Variants in CDHR2 observed in about 807,000 individuals in gnomAD.
The protein encoded by CDHR2 is cadherin-related family member 2.
Under a neutral mutation model 138.6 loss-of-function variants are expected in CDHR2, and 104 were observed. The observed-to-expected ratio is 0.75, with a 90% confidence interval of 0.64 to 0.88. The LOEUF is 0.88. CDHR2 is among the 40% of genes least tolerant of loss of function. The pLI is 0.00. For missense variants in CDHR2, 1,624 were observed against 1,727.6 expected (o/e 0.94, Z 1.06); for synonymous variants, 755 against 742.8 (o/e 1.02, Z -0.27).
At chr5:176,592,104 GGTGATGGTGATGGTA>G (rs1463780321) in intron 30 of CDHR2, among the ~76,000 whole-genome samples, 2 of 135,342 alleles carry the variant, frequency 1.5e-5, no homozygotes, top group East Asian at 2.0e-4. Flanking sequence ...TGATGGTGGT[GGTGATGGTGATGGTA>G]GTGATGGTGA....
rs1182456062 is a variant in CDHR2, at chr5:176,584,963, G to C, written c.2682G>C (p.Val894=). ...CCTGTGACCTGGTCACGCTGGTTGT[G>C]CGGGCCTGTGACCTAGCCACGGACC... ...YEACDLVTLV[V]RACDLATDPG... is the part of the protein sequence containing the mutation. The change falls in exon 19 of 32, where the codon GTG becomes GTC. Residue 894 remains valine (V), a synonymous_variant. Coordinates refer to ENST00000261944, the MANE Select transcript of CDHR2 (RefSeq NM_017675.6). 1 of 1,566,048 alleles carries C rather than the reference G, an allele frequency of 6.4e-7. No individual in the cohort carries two copies. Among genetic ancestry groups the C allele is most frequent in the East Asian group, 2.4e-5 (1 of 41,586 alleles).
intron 21 of CDHR2, among the ~76,000 whole-genome samples, chr5:176,587,103 C>T (rs1275326896): frequency 6.6e-6 from 1 of 152,220 alleles, no homozygotes; most frequent in Non-Finnish European, 1.5e-5. Context: ...TTGAGTAATA[C>T]AGAGAACTCA....
intron 1 of CDHR2, among the ~76,000 whole-genome samples, chr5:176,560,944 C>G (rs1757952269): frequency 6.6e-6 from 1 of 151,914 alleles, no homozygotes. Flanking sequence ...GCCCGGGAAG[C>G]ACGTAGCCAG....
At chr5:176,559,087 T>C (rs1363782011) in intron 1 of CDHR2, among the ~76,000 whole-genome samples, 1 of 152,170 alleles carries the variant, frequency 6.6e-6, no homozygotes, top group East Asian at 1.9e-4. Context: ...CATGGCGGCC[T>C]CAGGGTAGTT....
intron 1 of CDHR2, among the ~76,000 whole-genome samples, chr5:176,561,192 C>T (rs1757958812): frequency 6.6e-6 from 1 of 152,124 alleles, no homozygotes; most frequent in East Asian, 1.9e-4. Context: ...GGTGTAGGTG[C>T]TGTTATTATT....
At position 176,575,280 on chromosome 5, in the gene CDHR2, G is replaced by T. The variant is rs1463693742; in HGVS notation, c.622G>T (p.Asp208Tyr). Residue 208 changes from aspartate to tyrosine, a missense_variant and splice_region_variant, in exon 9 of 32, where the codon GAC becomes TAC. This residue lies in a region of CDHR2 where 1,061 missense variants were observed against 1,136.6 expected (regional missense o/e 0.93). Coordinates refer to ENST00000261944, the MANE Select transcript of CDHR2 (RefSeq NM_017675.6). ...CTCACGGGTGGCCATCTCCCCGCAG[G>T]ACTTGGGCGGCATGTACCACAACAC... is the stretch of plus-strand genomic sequence containing the variant. ...AFYQLELKAC[D>Y]LGGMYHNTFT... The T allele has an allele frequency of 1.2e-6, 2 of 1,614,210 alleles. No homozygotes were observed. Among genetic ancestry groups the T allele is most frequent in the South Asian group, 2.2e-5 (2 of 91,086 alleles).
upstream of CDHR2, among the ~76,000 whole-genome samples, chr5:176,548,914 G>A (rs1007592608): frequency 6.6e-6 from 1 of 152,094 alleles, no homozygotes; most frequent in African/African-American, 2.4e-5. Context: ...AACCTCACAG[G>A]GGCTGGTCTG....
chr5:176,586,748 G>T, intron 20 of CDHR2, 45 bp from the exon 21 acceptor site: 1 of 1,557,110 alleles, frequency 6.4e-7, no homozygotes, highest in Non-Finnish European at 8.7e-7. Context: ...GTCCAGGTGG[G>T]CAGTGTCCCG....
chr5:176,586,285 T>A (rs1207891612), intron 20 of CDHR2, among the ~76,000 whole-genome samples: 2 of 152,240 alleles, frequency 1.3e-5, no homozygotes. Flanking sequence ...AACCTCCGCC[T>A]CCCAGGTTCA....
rs921466023 is a variant in CDHR2 at position 176,553,211 on chromosome 5, G to A, written c.-16+3797G>A. On this transcript the variant is annotated intron_variant, in intron 1 of 31. Transcript: ENST00000261944. The surrounding 1 kb of genome is among the most constrained non-coding windows in gnomAD (Gnocchi z 4.3). ...GCTCAGCATGACCTGTGGGAAAATC[G>A]GGCAGCTCAAGAAGGAAAACCCAGG... Among the ~76,000 whole-genome samples, 1 of 152,116 alleles carries A rather than the reference G, an allele frequency of 6.6e-6. No individual in the cohort carries two copies. The highest frequency in any genetic ancestry group is 1.5e-5 in the Non-Finnish European group (1 of 68,026).
intron 7 of CDHR2, among the ~76,000 whole-genome samples, chr5:176,574,507 G>A (rs188594406): frequency 9.1e-4 from 139 of 152,278 alleles, no homozygotes; most frequent in African/African-American, 1.9e-3. Flanking sequence ...CACCAACCAC[G>A]TGCCTGGCAC....
chr5:176,554,226 C>G (rs1223993890), intron 1 of CDHR2, among the ~76,000 whole-genome samples: 1 of 152,216 alleles, frequency 6.6e-6, no homozygotes, highest in African/African-American at 2.4e-5. Context: ...GGCTCCTCCA[C>G]ACACAGCCCT....
chr5:176,558,919 G>C (rs568325009), intron 1 of CDHR2, among the ~76,000 whole-genome samples: 52 of 152,318 alleles, frequency 3.4e-4, no homozygotes, highest in African/African-American at 1.2e-3. Flanking sequence ...AGTTTGGATA[G>C]GGCATAGCAG....
chr5:176,561,391 TACTC>T (rs756835936), intron 1 of CDHR2, among the ~76,000 whole-genome samples: 9 of 152,016 alleles, frequency 5.9e-5, no homozygotes, highest in Non-Finnish European at 1.2e-4. Context: ...CTTTCAGAAA[TACTC>T]ACTGAGCCTA....
intron 1 of CDHR2, among the ~76,000 whole-genome samples, chr5:176,551,699 C>CTATT (rs1485437212): frequency 2.7e-5 from 1 of 37,624 alleles, no homozygotes; most frequent in Non-Finnish European, 5.9e-5. Flanking sequence ...GCCAAGAGTT[C>CTATT]TCTTTTTTTT....
rs753383950 is a variant in CDHR2, at chr5:176,571,240, G to C, written c.343G>C (p.Glu115Gln). The change falls in exon 6 of 32, where the codon GAA becomes CAA. Residue 115 changes from glutamate to glutamine, a missense_variant. Around this residue, in one of 3 missense-constraint regions of CDHR2, gnomAD observed 1,061 missense variants for 1,136.6 expected, o/e 0.93. Coordinates refer to ENST00000261944, the MANE Select transcript of CDHR2 (RefSeq NM_017675.6). ...QVQREMLVIV[E>Q]DRNDNAPVFQ... ...GCAGAGGGAGATGCTGGTGATTGTG[G>C]AAGATAGAAACGACAACGCACCCGT... The C allele has an allele frequency of 1.2e-6, 2 of 1,612,912 alleles. No individual in the cohort carries two copies. The highest frequency in any genetic ancestry group is 2.2e-5 in the South Asian group (2 of 90,928).
At chr5:176,557,734 G>A (rs1581131506) in intron 1 of CDHR2, among the ~76,000 whole-genome samples, 1 of 143,660 alleles carries the variant, frequency 7.0e-6, no homozygotes, top group Non-Finnish European at 1.5e-5. Context: ...TTGAAATGGA[G>A]TCTTGCTCTG....
At chr5:176,566,049 C>T (rs1305596787) in intron 3 of CDHR2, among the ~76,000 whole-genome samples, 4 of 152,008 alleles carry the variant, frequency 2.6e-5, no homozygotes, top group Admixed American at 2.0e-4. Flanking sequence ...GGCCACGCTT[C>T]CTCCTCCTTC....
chr5:176,555,638 G>T (rs952374785), intron 1 of CDHR2, among the ~76,000 whole-genome samples: 2 of 152,228 alleles, frequency 1.3e-5, no homozygotes, highest in African/African-American at 4.8e-5. Context: ...TGCAGTGGAT[G>T]GCTCACGCCT....
Sources: allele counts gnomAD v4.1 joint callset (sites outside exome capture counted in the v4.1 genomes callset), GRCh38; gene constraint gnomAD v4.1.1; regional missense constraint gnomAD v4.1.1; non-coding constraint Gnocchi (gnomAD v3.1); transcripts MANE v1.5; gene names NCBI Gene and HGNC (gene_info 2026-07-23, HGNC 2026-07-21).